The following TMEM108 variants were observed in gnomAD, a reference collection of about 807,000 sequenced individuals.
TMEM108 encodes the protein cancer/testis antigen 124.
In TMEM108, 12 loss-of-function variants were observed where a neutral mutation model predicts 35.1. The ratio of observed to expected loss-of-function variants is 0.34; its 90% CI spans 0.22 to 0.55. The LOEUF (loss-of-function observed/expected upper bound fraction) is 0.55. Ranked by LOEUF, TMEM108 falls within the 20% of genes least tolerant of loss-of-function variation. The pLI, the probability that TMEM108 is intolerant of heterozygous loss-of-function variation, is 0.89. For synonymous variants in TMEM108, 287 were observed against 308.6 expected, an observed-to-expected ratio of 0.93 and a Z score of 0.73; for missense variants, 680 against 753.3, an observed-to-expected ratio of 0.90 and a Z score of 1.14.
At chr3:133,135,690 C>T (rs1326119315) in intron 2 of TMEM108, among the ~76,000 whole-genome samples, 4 of 152,072 alleles carry the variant, frequency 2.6e-5, no homozygotes, top group Non-Finnish European at 4.4e-5. Flanking sequence ...GTAACTAAAG[C>T]AAGGCAAAGC....
intron 2 of TMEM108, among the ~76,000 whole-genome samples, chr3:133,188,222 T>G (rs1251864692): frequency 6.6e-6 from 1 of 152,220 alleles, no homozygotes; most frequent in Non-Finnish European, 1.5e-5. Flanking sequence ...CAGGCGCGTC[T>G]GCACACTACA....
chr3:133,176,271 A>G (rs1436279802), intron 2 of TMEM108, among the ~76,000 whole-genome samples: 1 of 152,074 alleles, frequency 6.6e-6, no homozygotes, highest in African/African-American at 2.4e-5. Flanking sequence ...AACAAGACAG[A>G]AGGTTAACAA....
chr3:133,281,415 G>C (rs1300888900), intron 3 of TMEM108, among the ~76,000 whole-genome samples: 3 of 152,230 alleles, frequency 2.0e-5, no homozygotes, highest in African/African-American at 7.2e-5. Flanking sequence ...AGAGTATGCA[G>C]AGTTATAACG....
intron 2 of TMEM108, among the ~76,000 whole-genome samples, chr3:133,094,761 A>G (rs1943992679): frequency 6.6e-6 from 1 of 152,192 alleles, no homozygotes; most frequent in African/African-American, 2.4e-5. Flanking sequence ...TAAGCCACAT[A>G]GATCCCCTCA....
chr3:133,056,898 A>G (rs1943471875), intron 2 of TMEM108, among the ~76,000 whole-genome samples: 1 of 152,208 alleles, frequency 6.6e-6, no homozygotes, highest in Non-Finnish European at 1.5e-5. Context: ...GTGAACGTCG[A>G]ATGCTCTGAT....
intron 2 of TMEM108, among the ~76,000 whole-genome samples, chr3:133,130,467 C>T (rs1944476037): frequency 6.6e-6 from 1 of 152,180 alleles, no homozygotes; most frequent in Non-Finnish European, 1.5e-5. Flanking sequence ...CAGCTGGGCT[C>T]CTCAGGCATC....
intron 2 of TMEM108, among the ~76,000 whole-genome samples, chr3:133,154,311 A>G (rs1944845074): frequency 2.0e-5 from 3 of 151,842 alleles, no homozygotes; most frequent in South Asian, 2.1e-4. Flanking sequence ...CCATTTGTCA[A>G]TTTTGGCTTT....
chr3:133,161,092 A>C (rs1160876339), intron 2 of TMEM108, among the ~76,000 whole-genome samples: 1 of 152,196 alleles, frequency 6.6e-6, no homozygotes, highest in East Asian at 1.9e-4. Flanking sequence ...TATTGAATAA[A>C]GCCCAAGCCT....
chr3:133,241,247 C>A (rs1159134029), intron 3 of TMEM108, among the ~76,000 whole-genome samples: 3 of 152,270 alleles, frequency 2.0e-5, no homozygotes, highest in Non-Finnish European at 2.9e-5. Flanking sequence ...GGAGATTCTT[C>A]AAGCTAGAAC....
At chr3:133,050,968 C>T (rs961677516) in intron 2 of TMEM108, among the ~76,000 whole-genome samples, 27 of 145,698 alleles carry the variant, frequency 1.9e-4, no homozygotes, top group Non-Finnish European at 1.7e-4. Context: ...ATATAAAAAT[C>T]TGTGTGCGAG....
intron 3 of TMEM108, among the ~76,000 whole-genome samples, chr3:133,268,217 A>G (rs1299553788): frequency 6.6e-6 from 1 of 152,258 alleles, no homozygotes; most frequent in African/African-American, 2.4e-5. Context: ...GACAGTATGG[A>G]GAAAGGTCCT....
At chr3:133,318,280 G>A (rs1576452702) in intron 3 of TMEM108, among the ~76,000 whole-genome samples, 1 of 152,192 alleles carries the variant, frequency 6.6e-6, no homozygotes, top group Non-Finnish European at 1.5e-5. Flanking sequence ...ACACTACACT[G>A]GTACTTTCAC....
At chr3:133,116,185 A>G (rs1318644544) in intron 2 of TMEM108, among the ~76,000 whole-genome samples, 4 of 152,258 alleles carry the variant, frequency 2.6e-5, no homozygotes, top group Admixed American at 2.6e-4. Flanking sequence ...TAAATTGCTC[A>G]TTTCTCTGGG....
At chr3:133,310,774 G>T (rs539858711) in intron 3 of TMEM108, among the ~76,000 whole-genome samples, 1 of 152,028 alleles carries the variant, frequency 6.6e-6, no homozygotes, top group Non-Finnish European at 1.5e-5. Flanking sequence ...TATGATGTTT[G>T]CTGGTTATTT....
chr3:133,310,295 A>G (rs906730347), intron 3 of TMEM108, among the ~76,000 whole-genome samples: 2 of 152,164 alleles, frequency 1.3e-5, no homozygotes, highest in Non-Finnish European at 2.9e-5. Context: ...TAATATTGAC[A>G]GTGGGTTGTT....
intron 2 of TMEM108, among the ~76,000 whole-genome samples, chr3:133,095,570 G>C (rs780008745): frequency 5.3e-5 from 8 of 149,732 alleles, no homozygotes; most frequent in Non-Finnish European, 8.9e-5. Flanking sequence ...CCCTGAGCTT[G>C]TTTTTCTGCA....
At chr3:133,145,111 T>G (rs1944698551) in intron 2 of TMEM108, among the ~76,000 whole-genome samples, 1 of 152,228 alleles carries the variant, frequency 6.6e-6, no homozygotes, top group African/African-American at 2.4e-5. Flanking sequence ...TTCATTTAAG[T>G]CTTTAATCAA....
At position 133,395,927 on chromosome 3, in the gene TMEM108, G is replaced by C. The variant is rs547372589; in HGVS notation, c.1669G>C (p.Val557Leu). The part of the protein sequence containing the change: ...GDYRDTGMVL[V>L]NPFCQETLFV... ...CTATAGAGACACTGGGATGGTCCTT[G>C]TTAACCCCTTCTGTCAAGAAACACT... Residue 557 changes from valine (V) to leucine (L), a missense_variant, in exon 6 of 6, where the codon GTT becomes CTT. Physicochemically the swap from Val to Leu is conservative, Grantham distance 32. Coordinates refer to ENST00000321871, the MANE Select transcript of TMEM108 (RefSeq NM_023943.4). 2 of 1,608,256 alleles carry C rather than the reference G, an allele frequency of 1.2e-6. No homozygotes were observed. Among genetic ancestry groups the C allele is most frequent in the South Asian group, 1.1e-5 (1 of 90,124 alleles).
chr3:133,376,606 G>T (rs1343086222), intron 3 of TMEM108, among the ~76,000 whole-genome samples: 8 of 152,120 alleles, frequency 5.3e-5, no homozygotes, highest in Non-Finnish European at 1.2e-4. Context: ...AGTGAATATG[G>T]GAGCCTCTGG....
Sources: gnomAD v4.1 joint callset for allele counts (sites outside exome capture counted in the v4.1 genomes callset) on GRCh38, gnomAD v4.1.1 for gene constraint, MANE v1.5 for transcripts, NCBI Gene and HGNC (gene_info 2026-07-23, HGNC 2026-07-21) for gene names.